The following RABEPK variants were observed in gnomAD, a reference collection of about 807,000 sequenced individuals.
RABEPK encodes the protein Rab9 effector protein with kelch motifs, also known as 40 kDa Rab9 effector protein.
Under a neutral mutation model 34.1 loss-of-function variants are expected in RABEPK, and 27 were observed. The observed-to-expected ratio is 0.79, with a 90% CI of 0.58 to 1.09. RABEPK has a LOEUF of 1.09. Among genes scored for constraint, RABEPK ranks in the 50% least tolerant of loss-of-function variants. RABEPK has a pLI of 0.00. For missense variants in RABEPK, 449 were observed against 462.6 expected (o/e 0.97, Z 0.27); for synonymous variants, 172 against 169.2 (o/e 1.02, Z -0.13).
At chr9:125,223,030 C>G (rs1831463088) in intron 5 of RABEPK, among the ~76,000 whole-genome samples, 1 of 152,020 alleles carries the variant, frequency 6.6e-6, no homozygotes, top group Admixed American at 6.6e-5. Flanking sequence ...GCCTGTAATC[C>G]CAGCACTTTG....
At chr9:125,221,549 C>T (rs1564189807) in intron 5 of RABEPK, 1 of 151,694 alleles carries the variant, frequency 6.6e-6, no homozygotes, top group Admixed American at 6.6e-5. Flanking sequence ...AAGTTTAAAC[C>T]ATACAATTTA....
In RABEPK at chr9:125,220,579, A is replaced by C. The variant is rs1439220401; in HGVS notation, c.405A>C (p.Pro135=). 1 of 1,613,890 alleles carries C rather than the reference A, an allele frequency of 6.2e-7. No individual in the cohort carries two copies. The highest frequency in any genetic ancestry group is 1.3e-5 in the African/African-American group (1 of 74,886). The change falls in exon 5 of 8, where the codon CCA becomes CCC. Residue 135 remains proline, a synonymous_variant. Coordinates refer to ENST00000373538, the MANE Select transcript of RABEPK (RefSeq NM_005833.4). The stretch of plus-strand genomic sequence containing the variant: ...CCACGCCAGAAGTGACCAGCCCCCC[A>C]CCATCCCCAAGAACATTCCACACAT... ...TWTTPEVTSP[P]PSPRTFHTSS...
At chr9:125,219,145 A>C (rs1831144870) in intron 4 of RABEPK, among the ~76,000 whole-genome samples, 1 of 145,966 alleles carries the variant, frequency 6.9e-6, no homozygotes, top group Non-Finnish European at 1.5e-5. Context: ...GACTGTTATT[A>C]CTGCTACTGA....
At chr9:125,217,334 A>G (rs1482944631) in intron 4 of RABEPK, among the ~76,000 whole-genome samples, 1 of 152,222 alleles carries the variant, frequency 6.6e-6, no homozygotes, top group African/African-American at 2.4e-5. Context: ...AATGGTATCC[A>G]TTGAAATAAA....
chr9:125,229,100 A>G (rs1831989528), intron 6 of RABEPK, among the ~76,000 whole-genome samples: 1 of 151,298 alleles, frequency 6.6e-6, no homozygotes, highest in South Asian at 2.1e-4. Flanking sequence ...CTAAAAATAT[A>G]AAAATTAGCC....
chr9:125,219,070 A>T (rs1004235188), intron 4 of RABEPK, among the ~76,000 whole-genome samples: 3 of 151,374 alleles, frequency 2.0e-5, no homozygotes, highest in African/African-American at 7.3e-5. Flanking sequence ...ATCCATCCCT[A>T]CTTCAATTCT....
intron 2 of RABEPK, 31 bp from the exon 3 acceptor site, chr9:125,207,533 A>T (rs776953964): frequency 1.2e-6 from 2 of 1,603,894 alleles, no homozygotes; most frequent in Middle Eastern, 1.7e-4. Context: ...TTCTCTGCTC[A>T]GGCCTCCTGA....
chr9:125,228,520 C>G (rs751712767), intron 6 of RABEPK, among the ~76,000 whole-genome samples: 1 of 150,276 alleles, frequency 6.7e-6, no homozygotes, highest in Non-Finnish European at 1.5e-5. Flanking sequence ...AGCCTATTGT[C>G]ATGGCACATG....
chr9:125,203,339 C>T (rs1830021496), intron 2 of RABEPK, among the ~76,000 whole-genome samples: 1 of 152,156 alleles, frequency 6.6e-6, no homozygotes, highest in African/African-American at 2.4e-5. Flanking sequence ...GCTGTGTCTT[C>T]CCCCGAGCTC....
intron 4 of RABEPK, 193 bp from the exon 5 acceptor site, chr9:125,220,346 T>C: frequency 6.9e-7 from 1 of 1,446,462 alleles, no homozygotes; most frequent in African/African-American, 1.4e-5. Flanking sequence ...CTTGGGGATT[T>C]TGGACTGTCT....
chr9:125,214,004 C>T (rs761637202), intron 4 of RABEPK, among the ~76,000 whole-genome samples: 1 of 149,874 alleles, frequency 6.7e-6, no homozygotes. Flanking sequence ...CGCCTATAAT[C>T]CCAGCTACTC....
At chr9:125,205,443 C>T (rs79592543) in intron 2 of RABEPK, among the ~76,000 whole-genome samples, 4 of 152,238 alleles carry the variant, frequency 2.6e-5, no homozygotes, top group Middle Eastern at 6.8e-3. Flanking sequence ...TCAGTTCCTC[C>T]GTTGTAGAAC....
In RABEPK at chr9:125,201,913, C is replaced by T. The variant is rs183372313; in HGVS notation, c.-7+1007C>T. 1.6e-3 allele frequency among the ~76,000 whole-genome samples: 236 copies of T among 149,412 alleles called. 3 individuals carry two copies. Among genetic ancestry groups the T allele is most frequent in the African/African-American group, 5.4e-3 (221 of 41,008 alleles). On this transcript the variant is annotated intron_variant, in intron 1 of 7. Coordinates refer to ENST00000373538, the MANE Select transcript of RABEPK (RefSeq NM_005833.4). ...AGGCGTGAGCCACTGCTCCCAGCCC[C>T]GTTTCTATTTTTAATTAAAAAATAA...
Position 125,232,645 on chromosome 9 carries a change from C to T in RABEPK, c.726C>T (p.Gly242=). ...KLNPTGAAPA[G]CAAHSAVAMG... ...ATCCCACTGGGGCTGCTCCAGCAGG[C>T]TGTGCTGCCCACTCAGCTGTGGCCA... The change falls in exon 7 of 8, where the codon GGC becomes GGT. Residue 242 remains glycine, a synonymous_variant. Transcript: ENST00000373538. 6.2e-7 allele frequency: 1 copy of T among 1,614,096 alleles called. No individual in the cohort carries two copies. The highest frequency in any genetic ancestry group is 8.5e-7 in the Non-Finnish European group (1 of 1,179,932).
intron 5 of RABEPK, among the ~76,000 whole-genome samples, chr9:125,224,584 C>T (rs1831602593): frequency 6.6e-6 from 1 of 151,768 alleles, no homozygotes; most frequent in Non-Finnish European, 1.5e-5. Context: ...TCCCGAGTAG[C>T]TTGGACTGCA....
intron 5 of RABEPK, among the ~76,000 whole-genome samples, chr9:125,223,647 C>T (rs1476300208): frequency 6.7e-6 from 1 of 149,626 alleles, no homozygotes; most frequent in East Asian, 1.9e-4. Flanking sequence ...ACCGCTTGGG[C>T]CCAGGAGTTT....
chr9:125,230,757 A>T (rs1014529285), intron 6 of RABEPK, among the ~76,000 whole-genome samples: 4 of 151,034 alleles, frequency 2.6e-5, no homozygotes, highest in Admixed American at 6.6e-5. Flanking sequence ...GGATGGTCTC[A>T]ATCTCCTGAC....
Position 125,232,681 on chromosome 9 carries a change from T to C in RABEPK, c.762T>C (p.His254=), listed in dbSNP as rs143085661. The C allele has an allele frequency of 8.4e-5, 136 of 1,614,044 alleles. No homozygotes were observed. The African/African-American group carries it at 1.6e-3, about 19-fold the overall frequency. ...ACTCAGCTGTGGCCATGGGAAAACA[T>C]GTGTACATCTTTGGTGGAATGACTC... The part of the protein sequence containing the change: ...AAHSAVAMGK[H]VYIFGGMTPA... The change falls in exon 7 of 8, where the codon CAT becomes CAC. Residue 254 remains histidine (H), a synonymous_variant. Coordinates refer to ENST00000373538, the MANE Select transcript of RABEPK (RefSeq NM_005833.4).
chr9:125,200,600 G>A lies in RABEPK; in HGVS notation c.-313G>A. The A allele has an allele frequency of 4.5e-6, 2 of 448,490 alleles. No individual in the cohort carries two copies. The highest frequency in any genetic ancestry group is 3.2e-5 in the South Asian group (2 of 61,930). 27.8% of individuals were successfully genotyped at this position (448,490 alleles called of 1,614,324 possible). ...CAGGTATTGCAGTCCGGGGCTGGAG[G>A]GTAGGGGCGAGGGTCCCCGGATACC... On this transcript the variant is annotated 5_prime_UTR_variant, in exon 1 of 8. Coordinates refer to ENST00000373538, the MANE Select transcript of RABEPK (RefSeq NM_005833.4).
Sources: gnomAD v4.1 joint callset for allele counts (sites outside exome capture counted in the v4.1 genomes callset) on GRCh38, gnomAD v4.1.1 for gene constraint, MANE v1.5 for transcripts, NCBI Gene and HGNC (gene_info 2026-07-23, HGNC 2026-07-21) for gene names.